MTMR10: variants seen among roughly 807,000 people sequenced by gnomAD.
MTMR10 encodes myotubularin-related protein 10.
Under a neutral mutation model 88.1 loss-of-function variants are expected in MTMR10, and 56 were observed. That is an observed-to-expected ratio of 0.64 (90% CI 0.51 to 0.79). The LOEUF (loss-of-function observed/expected upper bound fraction) is 0.79. Ranked by LOEUF, MTMR10 falls within the 30% of genes least tolerant of loss-of-function variation. The probability of loss-of-function intolerance (pLI) is 0.00; values close to 1 mark genes in which losing one functional copy is unlikely to be tolerated. For synonymous variants in MTMR10, 380 were observed against 340.9 expected (o/e 1.11, Z -1.26); for missense variants, 883 against 924.7 (o/e 0.95, Z 0.58).
chr15:30,948,165 C>A, intron 13 of MTMR10, 137 bp downstream of exon 13: 2 of 696,014 alleles, frequency 2.9e-6, no homozygotes, highest in Non-Finnish European at 4.3e-6. Context: ...AACTCTAATC[C>A]ATTAGTTAGC....
the MTMR10 span, chr15:30,928,888 C>T: frequency 1.3e-5 from 9 of 697,200 alleles, no homozygotes; most frequent in African/African-American, 1.4e-4. Flanking sequence ...TTAGACCTTT[C>T]GTATAAAGTA....
At chr15:30,956,187 T>C (rs2063325542) in intron 9 of MTMR10, 1 of 152,226 alleles carries the variant, frequency 6.6e-6, no homozygotes, top group Non-Finnish European at 1.5e-5. Context: ...AATGGCGCTG[T>C]ACATTTGCTT....
chr15:30,972,069 C>T (rs759758180), intron 5 of MTMR10, among the ~76,000 whole-genome samples: 4 of 152,072 alleles, frequency 2.6e-5, no homozygotes, highest in Non-Finnish European at 5.9e-5. Flanking sequence ...AATGAATCAA[C>T]GGTTTACCCA....
At chr15:30,962,538 G>A (rs79083528) in intron 6 of MTMR10, among the ~76,000 whole-genome samples, 2,282 of 152,282 alleles carry the variant, frequency 0.015, 58 homozygotes, top group African/African-American at 0.053. Context: ...TGGCCTTAGA[G>A]ATCCCTCACG....
At chr15:30,946,419 TC>T (rs1192856340) in intron 14 of MTMR10, 26 of 283,960 alleles carry the variant, frequency 9.2e-5, no homozygotes, top group Admixed American at 2.4e-4. Context: ...CTAGCACTTT[TC>T]CCAGACCAGG....
chr15:30,976,134 G>A (rs992677917), intron 3 of MTMR10, among the ~76,000 whole-genome samples: 1 of 150,442 alleles, frequency 6.6e-6, no homozygotes, highest in African/African-American at 2.4e-5. Flanking sequence ...GTAGCTGGGT[G>A]CAGTGGCCTG....
intron 11 of MTMR10, among the ~76,000 whole-genome samples, chr15:30,953,057 T>G (rs1351455655): frequency 6.6e-6 from 1 of 152,218 alleles, no homozygotes; most frequent in African/African-American, 2.4e-5. Context: ...CCCAAAGTGC[T>G]GGGATTACAG....
chr15:30,958,302 C>CTGAAA (rs1339970862), intron 9 of MTMR10, among the ~76,000 whole-genome samples: 1 of 152,200 alleles, frequency 6.6e-6, no homozygotes, highest in African/African-American at 2.4e-5. Context: ...GGAAGAGGAG[C>CTGAAA]TTCAGGAGAG....
chr15:30,940,953 G>T lies in MTMR10; in HGVS notation c.*517C>A. 1.8e-6 allele frequency: 2 copies of T among 1,095,344 alleles called. No homozygotes were observed. Among genetic ancestry groups the T allele is most frequent in the Non-Finnish European group, 2.2e-6 (2 of 894,098 alleles). The allele number at this position is 1,095,344 out of a possible 1,614,324, so 67.9% of individuals were successfully genotyped here. On this transcript the variant is annotated 3_prime_UTR_variant, in exon 16 of 16. Transcript: ENST00000435680. ...AGTGATCTAAGGTTCCAAAGAAGGT[G>T]ATCTAAAATCATAAATTCTGGCCCC...
intron 12 of MTMR10, among the ~76,000 whole-genome samples, chr15:30,951,702 G>A (rs1294092237): frequency 4.6e-5 from 7 of 152,134 alleles, no homozygotes; most frequent in Admixed American, 6.5e-5. Flanking sequence ...GTTTCACCAC[G>A]TTGGCCAGGC....
the MTMR10 span, chr15:30,926,907 A>G: frequency 1.0e-6 from 1 of 985,470 alleles, no homozygotes. Flanking sequence ...TTTATGCCAC[A>G]GGGAATTTTG....
chr15:30,937,484 C>A (rs1411856300), downstream of MTMR10, among the ~76,000 whole-genome samples: 2 of 133,110 alleles, frequency 1.5e-5, no homozygotes, highest in Non-Finnish European at 3.1e-5. Context: ...CAGAGTCTCG[C>A]TCTGTCACCC....
rs1350104588 is a variant in MTMR10 at position 30,942,980 on chromosome 15, C to G, written c.1641G>C (p.Lys547Asn). The change falls in exon 15 of 16, where the codon AAG becomes AAC. Residue 547 changes from lysine (K) to asparagine (N), a missense_variant. Around this residue, in one of 3 missense-constraint regions of MTMR10, gnomAD observed 343 missense variants for 323.2 expected, o/e 1.06. Coordinates refer to ENST00000435680, the MANE Select transcript of MTMR10 (RefSeq NM_017762.3). ...AGGGGTTATGGAAAAGGGTGCGATCCTTTGCTGTAAACTGGAGAGACCAGT... is the reference window on the plus strand; with the variant it reads ...AGGGGTTATGGAAAAGGGTGCGATCGTTTGCTGTAAACTGGAGAGACCAGT... ...VWDWSLQFTA[K>N]DRTLFHNPFY... 2.0e-5 allele frequency: 31 copies of G among 1,555,002 alleles called. No homozygotes were observed. Among genetic ancestry groups the G allele is most frequent in the Non-Finnish European group, 2.7e-5 (31 of 1,148,150 alleles).
chr15:30,928,912 C>T, the MTMR10 span: 2 of 514,496 alleles, frequency 3.9e-6, no homozygotes, highest in Non-Finnish European at 5.0e-6. Flanking sequence ...TCAGCATCAG[C>T]CCTCCCGAGC....
intron 2 of MTMR10, among the ~76,000 whole-genome samples, chr15:30,986,934 C>T (rs2030976573): frequency 6.6e-6 from 1 of 152,246 alleles, no homozygotes; most frequent in African/African-American, 2.4e-5. Flanking sequence ...CAGAGTCTGG[C>T]ATTACATGCT....
the MTMR10 span, chr15:30,930,436 A>G: frequency 7.6e-7 from 1 of 1,314,526 alleles, no homozygotes; most frequent in Non-Finnish European, 1.0e-6. Context: ...GTCCATGTGC[A>G]CTGAATTACA....
chr15:30,936,090 A>AT (rs997713535), downstream of MTMR10, among the ~76,000 whole-genome samples: 1 of 149,038 alleles, frequency 6.7e-6, no homozygotes, highest in Non-Finnish European at 1.5e-5. Context: ...TATTTAAACA[A>AT]TTTTTTTCTA....
At chr15:30,931,169 A>G in the MTMR10 span, among the ~76,000 whole-genome samples, 75 of 152,194 alleles carry the variant, frequency 4.9e-4, no homozygotes, top group Non-Finnish European at 4.4e-4. Context: ...CATCTCATGT[A>G]CCCCATAAAT....
At chr15:30,920,674 C>T in the MTMR10 span, 1 of 1,397,858 alleles carries the variant, frequency 7.2e-7, no homozygotes, top group Non-Finnish European at 1.0e-6. Flanking sequence ...AGGTCCCTGC[C>T]CCCCACCATT....
Sources: gnomAD v4.1 joint callset for allele counts (sites outside exome capture counted in the v4.1 genomes callset) on GRCh38, gnomAD v4.1.1 for gene constraint, gnomAD v4.1.1 regional missense constraint, MANE v1.5 for transcripts, NCBI Gene and HGNC (gene_info 2026-07-23, HGNC 2026-07-21) for gene names.